The following PXYLP1 variants were observed in gnomAD, a reference collection of about 807,000 sequenced individuals.
PXYLP1 encodes the protein acid phosphatase-like 2.
PXYLP1 carries 17 observed loss-of-function variants against 37.9 expected under a neutral mutation model. The observed-to-expected ratio is 0.45, with a 90% CI of 0.31 to 0.67. The LOEUF (loss-of-function observed/expected upper bound fraction) is 0.67. PXYLP1 is among the 30% of genes least tolerant of loss of function. The pLI is 0.07. For missense variants in PXYLP1, 511 were observed against 612.0 expected, an observed-to-expected ratio of 0.84 and a Z score of 1.74; for synonymous variants, 221 against 232.2, an observed-to-expected ratio of 0.95 and a Z score of 0.44.
intron 1 of PXYLP1, chr3:141,236,329 G>C (rs1940657089): frequency 6.6e-6 from 1 of 152,168 alleles, no homozygotes; most frequent in Admixed American, 6.5e-5. Context: ...GGTGTGACCA[G>C]CTTCCTCAGA....
intron 2 of PXYLP1, among the ~76,000 whole-genome samples, chr3:141,268,934 T>G (rs1459916612): frequency 6.6e-6 from 1 of 152,218 alleles, no homozygotes; most frequent in African/African-American, 2.4e-5. Flanking sequence ...CTTTCTCTTT[T>G]CCCTGTGTCA....
intron 1 of PXYLP1, among the ~76,000 whole-genome samples, chr3:141,238,277 A>G (rs1940706772): frequency 6.6e-6 from 1 of 152,146 alleles, no homozygotes; most frequent in Admixed American, 6.5e-5. Context: ...GAAAGAGAGG[A>G]CCTTCCTCCT....
chr3:141,261,603 C>T (rs1416197887), intron 2 of PXYLP1, among the ~76,000 whole-genome samples: 1 of 152,176 alleles, frequency 6.6e-6, no homozygotes, highest in Non-Finnish European at 1.5e-5. Flanking sequence ...TCTGGTATTA[C>T]AGGCGTGAGC....
At position 141,293,037 on chromosome 3, in the gene PXYLP1, C is replaced by T. The variant is rs928454248; in HGVS notation, c.1275C>T (p.Gly425=). 7.4e-6 allele frequency: 12 copies of T among 1,614,082 alleles called. No homozygotes were observed. Among genetic ancestry groups the T allele is most frequent in the East Asian group, 2.2e-5 (1 of 44,888 alleles). The change falls in exon 6 of 6, where the codon GGC becomes GGT. Residue 425 remains glycine, a synonymous_variant. Coordinates refer to ENST00000286353, the MANE Select transcript of PXYLP1 (RefSeq NM_001037172.3). ...SEHSVRILYN[G]VDVTFHTSFC... is the part of the protein sequence containing the mutation. ...ATTCCGTCCGGATTCTTTACAATGG[C>T]GTCGATGTCACATTCCACACCTCTT... is the stretch of plus-strand genomic sequence containing the variant.
Position 141,292,178 on chromosome 3 carries a change from C to G in PXYLP1, c.506-90C>G. On this transcript the variant is annotated intron_variant, in intron 5 of 5. Coordinates refer to ENST00000286353, the MANE Select transcript of PXYLP1 (RefSeq NM_001037172.3). The surrounding 1 kb of genome is among the most constrained non-coding windows in gnomAD (Gnocchi z 4.3). The stretch of plus-strand genomic sequence containing the variant: ...TGGATGCCATTCTCTTGCCCTAAAA[C>G]ACTCCAGAGCCACACGCTGACTCCA... 1 of 1,290,696 alleles carries G rather than the reference C, an allele frequency of 7.7e-7. No individual in the cohort carries two copies. The highest frequency in any genetic ancestry group is 1.1e-6 in the Non-Finnish European group (1 of 932,620). 80.0% of individuals were successfully genotyped at this position (1,290,696 alleles called of 1,614,324 possible).
At chr3:141,259,105 C>T (rs1941330874) in intron 1 of PXYLP1, among the ~76,000 whole-genome samples, 1 of 152,180 alleles carries the variant, frequency 6.6e-6, no homozygotes, top group African/African-American at 2.4e-5. Flanking sequence ...TAGGATTCAC[C>T]CCAGGTGTAC....
chr3:141,254,496 A>G (rs1219483668), intron 1 of PXYLP1, among the ~76,000 whole-genome samples: 1 of 152,224 alleles, frequency 6.6e-6, no homozygotes, highest in African/African-American at 2.4e-5. Flanking sequence ...CTGTGAACTC[A>G]CAGCCCCTTC....
At chr3:141,243,792 A>G (rs1210094372) in intron 1 of PXYLP1, among the ~76,000 whole-genome samples, 2 of 152,250 alleles carry the variant, frequency 1.3e-5, no homozygotes, top group Admixed American at 6.5e-5. Context: ...TGAATTCCAC[A>G]TCAGATTCCA....
In PXYLP1 at chr3:141,292,194, G is replaced by A. The variant is rs772820931; in HGVS notation, c.506-74G>A. The A allele has an allele frequency of 9.8e-5, 140 of 1,422,818 alleles. No individual in the cohort carries two copies. Among genetic ancestry groups the A allele is most frequent in the South Asian group, 5.3e-4 (39 of 73,370 alleles). The allele number at this position is 1,422,818 out of a possible 1,614,324, so 88.1% of individuals were successfully genotyped here. On this transcript the variant is annotated intron_variant, in intron 5 of 5. Transcript: ENST00000286353. The surrounding 1 kb of genome is among the most constrained non-coding windows in gnomAD (Gnocchi z 4.3). ...GCCCTAAAACACTCCAGAGCCACACGCTGACTCCACCTCCCCTTGCTGTTT... is the reference window on the plus strand; with the variant it reads ...GCCCTAAAACACTCCAGAGCCACACACTGACTCCACCTCCCCTTGCTGTTT...
chr3:141,279,324 A>G lies in PXYLP1; in HGVS notation c.239-54A>G, dbSNP rs527588794. The stretch of plus-strand genomic sequence containing the variant: ...CAGGTCATCCCCTTGGCCCCCTTCT[A>G]AAAGGATTGACACCTATTGAGTGAT... On this transcript the variant is annotated intron_variant, in intron 3 of 5. Coordinates refer to ENST00000286353, the MANE Select transcript of PXYLP1 (RefSeq NM_001037172.3). 3.7e-6 allele frequency: 6 copies of G among 1,603,964 alleles called. No homozygotes were observed. In the South Asian group the frequency reaches 4.4e-5, roughly 12 times the overall value.
At chr3:141,248,650 TACACACGTATATATAC>T (rs1941040563) in intron 1 of PXYLP1, among the ~76,000 whole-genome samples, 3 of 77,858 alleles carry the variant, frequency 3.9e-5, no homozygotes, top group Non-Finnish European at 6.8e-5. Context: ...CGTGTATATA[TACACACGTATATATAC>T]ACACACGTGT....
intron 2 of PXYLP1, among the ~76,000 whole-genome samples, chr3:141,261,055 C>T (rs1941383486): frequency 6.6e-6 from 1 of 152,214 alleles, no homozygotes; most frequent in Non-Finnish European, 1.5e-5. Context: ...TAGGACCCTT[C>T]CAGGAATACT....
chr3:141,278,266 C>A, intron 2 of PXYLP1, 76 bp from the exon 3 acceptor site: 2 of 1,536,258 alleles, frequency 1.3e-6, no homozygotes, highest in Non-Finnish European at 1.8e-6. Flanking sequence ...AAGTGAAATC[C>A]AGCCCTGCGC....
intron 1 of PXYLP1, among the ~76,000 whole-genome samples, chr3:141,257,541 A>AT (rs1302461675): frequency 6.6e-6 from 1 of 152,238 alleles, no homozygotes; most frequent in African/African-American, 2.4e-5. Context: ...ACTGAGACTT[A>AT]TAGCAAGTAG....
At position 141,293,098 on chromosome 3, in the gene PXYLP1, A is replaced by T. The variant is rs1485773061; in HGVS notation, c.1336A>T (p.Met446Leu). The T allele has an allele frequency of 1.9e-6, 3 of 1,614,048 alleles. No individual in the cohort carries two copies. The highest frequency in any genetic ancestry group is 2.5e-6 in the Non-Finnish European group (3 of 1,180,032). Reference protein sequence around the residue: ...QDHHKRSPKPMCPLENLVRFV... With the variant: ...QDHHKRSPKPLCPLENLVRFV... ...CCACCACAAGCGTTCTCCCAAGCCC[A>T]TGTGCCCGCTTGAAAACTTGGTCCG... Residue 446 changes from methionine (M) to leucine (L), a missense_variant, in exon 6 of 6, where the codon ATG becomes TTG. Met to Leu is a conservative substitution (Grantham distance 15). Transcript: ENST00000286353.
chr3:141,280,040 G>A (rs1941910322), intron 4 of PXYLP1, among the ~76,000 whole-genome samples: 1 of 152,216 alleles, frequency 6.6e-6, no homozygotes, highest in Non-Finnish European at 1.5e-5. Flanking sequence ...GCCTGTTCTT[G>A]GTTGAAAGCC....
chr3:141,257,675 G>A (rs528257737), intron 1 of PXYLP1, among the ~76,000 whole-genome samples: 2 of 152,220 alleles, frequency 1.3e-5, no homozygotes, highest in African/African-American at 4.8e-5. Flanking sequence ...ACTTTGGCAG[G>A]CAGATCACCT....
intron 4 of PXYLP1, among the ~76,000 whole-genome samples, chr3:141,286,123 T>C (rs188576466): frequency 1.3e-5 from 2 of 152,248 alleles, no homozygotes; most frequent in African/African-American, 4.8e-5. Flanking sequence ...AGGCATGAAC[T>C]ACTCTATCTG....
chr3:141,232,334 C>T (rs1317649468), intron 1 of PXYLP1: 4 of 152,598 alleles, frequency 2.6e-5, no homozygotes, highest in Non-Finnish European at 5.8e-5. Flanking sequence ...CCCTTCCAGC[C>T]CTCTCCCGCA....
Sources: gnomAD v4.1 joint callset for allele counts (sites outside exome capture counted in the v4.1 genomes callset) on GRCh38, gnomAD v4.1.1 for gene constraint, Gnocchi (gnomAD v3.1) non-coding constraint, MANE v1.5 for transcripts, NCBI Gene and HGNC (gene_info 2026-07-23, HGNC 2026-07-21) for gene names.